Variants in PRR16 observed in about 807,000 individuals in gnomAD.
The protein encoded by PRR16 is protein Largen.
Under a neutral mutation model 18.2 loss-of-function variants are expected in PRR16, and 6 were observed. The observed-to-expected ratio is 0.33, with a 90% CI of 0.18 to 0.65. The LOEUF (loss-of-function observed/expected upper bound fraction) is 0.65. Among genes scored for constraint, PRR16 ranks in the 30% least tolerant of loss-of-function variants. The pLI is 0.74. For synonymous variants in PRR16, 151 were observed against 147.8 expected (o/e 1.02, Z -0.16); for missense variants, 412 against 376.6 (o/e 1.09, Z -0.78).
At chr5:120,636,924 TAACTC>T (rs1755246170) in intron 1 of PRR16, among the ~76,000 whole-genome samples, 1 of 151,752 alleles carries the variant, frequency 6.6e-6, no homozygotes, top group Non-Finnish European at 1.5e-5. Context: ...AATCTGCAAA[TAACTC>T]AAACAAATTG....
At position 120,515,139 on chromosome 5, in the gene PRR16, A is replaced by G. The variant is rs540251440; in HGVS notation, c.159+50494A>G. ...CTGGTGACAACTTTCTTGCTGTGTC[A>G]TAATATCCCAGAGGCATTAAAGGGG... On this transcript the variant is annotated intron_variant, in intron 1 of 1. Transcript: ENST00000407149. Among the ~76,000 whole-genome samples the G allele has an allele frequency of 5.3e-5, 8 of 152,346 alleles. No homozygotes were observed. In the South Asian group the frequency reaches 1.0e-3, roughly 20 times the overall value.
chr5:120,781,139 A>AC, the PRR16 span: 6 of 151,980 alleles, frequency 3.9e-5, no homozygotes, highest in African/African-American at 1.5e-4. Flanking sequence ...AATAATTGAC[A>AC]ATTTTTTTTT....
chr5:120,533,031 C>A (rs144016357), intron 1 of PRR16, among the ~76,000 whole-genome samples: 2 of 152,168 alleles, frequency 1.3e-5, no homozygotes, highest in African/African-American at 2.4e-5. Context: ...TTTTGCATCC[C>A]CCCTTCATCT....
intron 1 of PRR16, among the ~76,000 whole-genome samples, chr5:120,549,984 C>T (rs186295109): frequency 1.1e-3 from 160 of 152,002 alleles, no homozygotes; most frequent in Non-Finnish European, 1.6e-3. Flanking sequence ...ATGTGGCCTA[C>T]TCAGGAAAAT....
At chr5:120,498,700 T>G (rs1750342745) in intron 1 of PRR16, among the ~76,000 whole-genome samples, 1 of 151,960 alleles carries the variant, frequency 6.6e-6, no homozygotes, top group South Asian at 2.1e-4. Flanking sequence ...GGAAAGGTCG[T>G]CTAGTGACCA....
intron 1 of PRR16, among the ~76,000 whole-genome samples, chr5:120,637,073 C>T (rs116699369): frequency 7.4e-4 from 112 of 151,984 alleles, no homozygotes; most frequent in African/African-American, 2.5e-3. Context: ...GAAATCAAAA[C>T]CACAATGCCA....
chr5:120,725,209 TA>T, the PRR16 span, among the ~76,000 whole-genome samples: 1 of 151,868 alleles, frequency 6.6e-6, no homozygotes, highest in East Asian at 1.9e-4. Context: ...TAGGAGTAGA[TA>T]AGAGTTATAT....
chr5:120,488,282 C>T (rs866913154), intron 1 of PRR16, among the ~76,000 whole-genome samples: 1 of 152,004 alleles, frequency 6.6e-6, no homozygotes, highest in African/African-American at 2.4e-5. Flanking sequence ...TGGTCTTAGA[C>T]TTTTTTTGGT....
intron 1 of PRR16, among the ~76,000 whole-genome samples, chr5:120,501,649 G>A (rs1750457388): frequency 6.6e-6 from 1 of 152,024 alleles, no homozygotes; most frequent in Admixed American, 6.6e-5. Flanking sequence ...ATTGAAAAAT[G>A]AACACATAAT....
At chr5:120,566,416 T>G (rs1397051198) in intron 1 of PRR16, among the ~76,000 whole-genome samples, 2 of 152,232 alleles carry the variant, frequency 1.3e-5, no homozygotes, top group African/African-American at 4.8e-5. Flanking sequence ...TTCTAGTGAA[T>G]GTTACCAAAC....
At chr5:120,534,647 A>G (rs1053512488) in intron 1 of PRR16, among the ~76,000 whole-genome samples, 5 of 152,120 alleles carry the variant, frequency 3.3e-5, no homozygotes, top group African/African-American at 1.2e-4. Context: ...TTCTCTCCTT[A>G]CACACTCAGC....
chr5:120,499,869 G>A (rs1275854441), intron 1 of PRR16, among the ~76,000 whole-genome samples: 3 of 151,812 alleles, frequency 2.0e-5, no homozygotes, highest in Non-Finnish European at 4.4e-5. Context: ...TGAGAGTCTC[G>A]GAAGGTGGTG....
chr5:120,539,819 CTG>C (rs1409715209), intron 1 of PRR16, among the ~76,000 whole-genome samples: 3 of 151,996 alleles, frequency 2.0e-5, no homozygotes, highest in Non-Finnish European at 4.4e-5. Context: ...GTGAAAAACA[CTG>C]TATGAATATT....
chr5:120,522,580 G>T (rs549330806), intron 1 of PRR16, among the ~76,000 whole-genome samples: 125 of 152,188 alleles, frequency 8.2e-4, no homozygotes, highest in Middle Eastern at 6.8e-3. Context: ...TTAGCCCTTT[G>T]TCAGATGGGT....
At chr5:120,521,875 A>C (rs1324745532) in intron 1 of PRR16, among the ~76,000 whole-genome samples, 1 of 151,730 alleles carries the variant, frequency 6.6e-6, no homozygotes, top group Non-Finnish European at 1.5e-5. Flanking sequence ...CCTGTGTCCA[A>C]GTTTTCTCAT....
intron 1 of PRR16, among the ~76,000 whole-genome samples, chr5:120,634,248 C>T (rs1271615970): frequency 6.6e-6 from 1 of 152,090 alleles, no homozygotes; most frequent in African/African-American, 2.4e-5. Context: ...GTGACACAAC[C>T]TATCACTACT....
the PRR16 span, among the ~76,000 whole-genome samples, chr5:120,735,151 G>C: frequency 6.6e-6 from 1 of 152,120 alleles, no homozygotes; most frequent in African/African-American, 2.4e-5. Flanking sequence ...TTAGCAAGAG[G>C]TCCTCAAAGT....
At chr5:120,759,752 A>G in the PRR16 span, among the ~76,000 whole-genome samples, 3 of 152,186 alleles carry the variant, frequency 2.0e-5, no homozygotes, top group Non-Finnish European at 4.4e-5. Flanking sequence ...ATATGAAACA[A>G]TCTCTTTGAA....
chr5:120,514,648 T>A (rs1452395258), intron 1 of PRR16, among the ~76,000 whole-genome samples: 1 of 152,196 alleles, frequency 6.6e-6, no homozygotes, highest in Non-Finnish European at 1.5e-5. Flanking sequence ...TTTCACCAGG[T>A]TATTTGCAAG....
Sources: gnomAD v4.1 joint callset for allele counts (sites outside exome capture counted in the v4.1 genomes callset) on GRCh38, gnomAD v4.1.1 for gene constraint, MANE v1.5 for transcripts, NCBI Gene and HGNC (gene_info 2026-07-23, HGNC 2026-07-21) for gene names.